SPMIP7: variants seen among roughly 807,000 people sequenced by gnomAD.
The protein encoded by SPMIP7 is sperm microtubule inner protein 7.
At chr7:50,111,491 G>T in the SPMIP7 span, among the ~76,000 whole-genome samples, 1 of 152,078 alleles carries the variant, frequency 6.6e-6, no homozygotes, top group Non-Finnish European at 1.5e-5. Context: ...ACTTTTTACT[G>T]TACACGTGGT....
At chr7:50,104,429 G>T in the SPMIP7 span, 11 of 1,259,804 alleles carry the variant, frequency 8.7e-6, no homozygotes, top group African/African-American at 1.5e-5. Flanking sequence ...TTTCTTCTGG[G>T]TGGTGTTATA....
At chr7:50,105,480 A>C in the SPMIP7 span, among the ~76,000 whole-genome samples, 3 of 152,034 alleles carry the variant, frequency 2.0e-5, no homozygotes, top group Non-Finnish European at 4.4e-5. Context: ...TTTTTTTCTC[A>C]CCTTTTCCTT....
chr7:50,145,177 C>T, the SPMIP7 span, among the ~76,000 whole-genome samples: 2 of 151,588 alleles, frequency 1.3e-5, no homozygotes, highest in Admixed American at 6.6e-5. Context: ...GCAGGAGAAT[C>T]GCTTGAGCCT....
chr7:50,107,379 A>G, the SPMIP7 span, among the ~76,000 whole-genome samples: 6 of 71,032 alleles, frequency 8.4e-5, no homozygotes, highest in African/African-American at 1.6e-4. Flanking sequence ...AAAAAAAAAA[A>G]AAAAAAGAAA....
the SPMIP7 span, among the ~76,000 whole-genome samples, chr7:50,125,373 T>TACATATATATAC: frequency 6.5e-5 from 4 of 61,382 alleles, no homozygotes; most frequent in African/African-American, 2.3e-4. Flanking sequence ...CACATATATA[T>TACATATATATAC]ACACATATAC....
At chr7:50,145,514 G>A in the SPMIP7 span, among the ~76,000 whole-genome samples, 5 of 142,736 alleles carry the variant, frequency 3.5e-5, no homozygotes, top group Non-Finnish European at 7.6e-5. Flanking sequence ...GAGTGTTGGG[G>A]TACTTTTTCT....
the SPMIP7 span, among the ~76,000 whole-genome samples, chr7:50,117,063 C>T: frequency 2.6e-5 from 4 of 152,142 alleles, no homozygotes; most frequent in Admixed American, 2.6e-4. Flanking sequence ...TCCCTAATGG[C>T]CTCACCATTG....
At chr7:50,112,311 G>A in the SPMIP7 span, among the ~76,000 whole-genome samples, 1 of 152,030 alleles carries the variant, frequency 6.6e-6, no homozygotes, top group Non-Finnish European at 1.5e-5. Context: ...CCAAGCAGTG[G>A]AACAGAATGT....
the SPMIP7 span, among the ~76,000 whole-genome samples, chr7:50,147,553 T>C: frequency 1.5e-3 from 231 of 152,330 alleles, 1 homozygote; most frequent in African/African-American, 5.2e-3. Flanking sequence ...ATGTTTACAG[T>C]GTAGAGTGAG....
At chr7:50,134,383 T>C in the SPMIP7 span, 235,717 of 570,216 alleles carry the variant, frequency 0.41, 50,505 homozygotes, top group African/African-American at 0.62. Flanking sequence ...AGTAAATATA[T>C]ATACACACAC....
the SPMIP7 span, among the ~76,000 whole-genome samples, chr7:50,136,973 AT>A: frequency 1.9e-3 from 283 of 151,634 alleles, 1 homozygote; most frequent in African/African-American, 6.6e-3. Flanking sequence ...AAATTTCTGT[AT>A]TTTTTTTTCT....
At chr7:50,104,810 A>G in the SPMIP7 span, among the ~76,000 whole-genome samples, 2 of 152,110 alleles carry the variant, frequency 1.3e-5, no homozygotes, top group Admixed American at 6.5e-5. Flanking sequence ...GACTTCTTAG[A>G]GCAACGGATT....
the SPMIP7 span, among the ~76,000 whole-genome samples, chr7:50,114,665 T>C: frequency 0.77 from 117,188 of 151,412 alleles, 45,336 homozygotes; most frequent in East Asian, 0.88. Flanking sequence ...AGATTTAAAC[T>C]AAATTATGTC....
the SPMIP7 span, among the ~76,000 whole-genome samples, chr7:50,112,249 T>G: frequency 6.6e-6 from 1 of 152,054 alleles, no homozygotes; most frequent in Non-Finnish European, 1.5e-5. Context: ...AAGTGGAAGA[T>G]AAACAAAGAA....
the SPMIP7 span, chr7:50,117,235 G>A: frequency 2.2e-6 from 1 of 455,658 alleles, no homozygotes. Context: ...ATAACATTCA[G>A]GCATTAGGAG....
the SPMIP7 span, among the ~76,000 whole-genome samples, chr7:50,125,277 C>CATATATACACAT: frequency 1.5e-5 from 2 of 132,772 alleles, no homozygotes; most frequent in Non-Finnish European, 3.1e-5. Context: ...TATATATACA[C>CATATATACACAT]ATATATACAC....
the SPMIP7 span, among the ~76,000 whole-genome samples, chr7:50,122,395 C>A: frequency 1.5e-4 from 23 of 149,644 alleles, no homozygotes; most frequent in African/African-American, 5.7e-4. Context: ...CCCTTCCTTA[C>A]ACCTTATACA....
chr7:50,157,081 C>T, the SPMIP7 span, among the ~76,000 whole-genome samples: 28 of 152,212 alleles, frequency 1.8e-4, no homozygotes, highest in African/African-American at 6.0e-4. Flanking sequence ...CCGCTTGATG[C>T]AGAGGCAAGG....
chr7:50,106,933 T>C, the SPMIP7 span, among the ~76,000 whole-genome samples: 1 of 152,046 alleles, frequency 6.6e-6, no homozygotes, highest in South Asian at 2.1e-4. Flanking sequence ...AAACCCCATC[T>C]GTACTAAAAA....
Sources: gnomAD v4.1 joint callset for allele counts (sites outside exome capture counted in the v4.1 genomes callset) on GRCh38, gnomAD v4.1.1 for gene constraint, MANE v1.5 for transcripts, NCBI Gene and HGNC (gene_info 2026-07-23, HGNC 2026-07-21) for gene names.